The following EXT1 variants were observed in gnomAD, a reference collection of about 807,000 sequenced individuals.
EXT1 encodes exostosin glycosyltransferase 1.
EXT1 carries 20 observed loss-of-function variants against 82.5 expected under a neutral mutation model. That is an observed-to-expected ratio of 0.24 (90% CI 0.17 to 0.35). The LOEUF is 0.35. EXT1 is among the 10% of genes least tolerant of loss of function. The pLI is 1.00. For synonymous variants in EXT1, 348 were observed against 350.8 expected (o/e 0.99, Z 0.09); for missense variants, 757 against 936.5 (o/e 0.81, Z 2.50).
intron 4 of EXT1, among the ~76,000 whole-genome samples, 159 bp from the exon 5 acceptor site, chr8:117,822,756 A>G (rs1009342241): frequency 2.0e-5 from 3 of 152,220 alleles, no homozygotes; most frequent in Non-Finnish European, 4.4e-5. Flanking sequence ...CAAGACAGAG[A>G]GAGTAATGGA....
At chr8:117,830,199 T>C (rs1451018727) in intron 4 of EXT1, 31 bp downstream of exon 4, 1 of 1,613,396 alleles carries the variant, frequency 6.2e-7, no homozygotes, top group Non-Finnish European at 8.5e-7. Flanking sequence ...GGACCATTAT[T>C]CAAGCCCAAG....
chr8:117,928,537 T>C (rs964732588), intron 1 of EXT1, among the ~76,000 whole-genome samples: 13 of 152,228 alleles, frequency 8.5e-5, no homozygotes, highest in Admixed American at 2.6e-4. Context: ...AAGGAAAGAA[T>C]GCTGTTCTGA....
chr8:117,955,269 T>C (rs1814565509), intron 1 of EXT1, among the ~76,000 whole-genome samples: 1 of 151,692 alleles, frequency 6.6e-6, no homozygotes, highest in Admixed American at 6.6e-5. Context: ...TTTGAGGGGG[T>C]TTCATCACAT....
In EXT1 at chr8:118,063,916, G is replaced by A. The variant is rs144632583; in HGVS notation, c.962+46169C>T. Among the ~76,000 whole-genome samples, 1,328 of 152,262 alleles carry A rather than the reference G, an allele frequency of 8.7e-3. 14 individuals are homozygous for A. The highest frequency in any genetic ancestry group is 0.036 in the Admixed American group (544 of 15,306). On this transcript the variant is annotated intron_variant, in intron 1 of 10. Transcript: ENST00000378204. ...GAGTCTCGCTCTGTGGCCCAGGCTG[G>A]AATGCAGTGGTACAATCTCAGCTCA... is the stretch of plus-strand genomic sequence containing the variant.
At chr8:117,828,228 T>C (rs1812039882) in intron 4 of EXT1, among the ~76,000 whole-genome samples, 1 of 152,160 alleles carries the variant, frequency 6.6e-6, no homozygotes, top group South Asian at 2.1e-4. Context: ...TATTTTATAT[T>C]TTATGCTTTA....
chr8:118,065,257 CAT>C lies in EXT1; in HGVS notation c.962+44826_962+44827del, dbSNP rs536357132. 3.3e-5 allele frequency among the ~76,000 whole-genome samples: 5 copies of C among 152,154 alleles called. No individual in the cohort carries two copies. In the South Asian group the frequency reaches 1.0e-3, roughly 32 times the overall value. On this transcript the variant is annotated intron_variant, in intron 1 of 10. Transcript: ENST00000378204. ...TGACCCATGATGATAAGCTTTTTTT[CAT>C]ATGTTTGTTGGTCGCATAAATGTCT...
intron 10 of EXT1, among the ~76,000 whole-genome samples, chr8:117,802,531 T>C (rs999202322): frequency 7.9e-5 from 12 of 152,218 alleles, no homozygotes; most frequent in Non-Finnish European, 1.6e-4. Context: ...TACAGTGACA[T>C]GCTATATATG....
intron 1 of EXT1, among the ~76,000 whole-genome samples, chr8:118,050,831 T>C (rs1438751918): frequency 6.6e-6 from 1 of 152,148 alleles, no homozygotes; most frequent in Admixed American, 6.6e-5. Context: ...TGATTAATCT[T>C]GGAGGGAACT....
intron 1 of EXT1, among the ~76,000 whole-genome samples, chr8:117,967,183 G>T (rs1210781303): frequency 1.3e-5 from 2 of 152,184 alleles, no homozygotes; most frequent in Non-Finnish European, 2.9e-5. Flanking sequence ...ATGAAAAGAA[G>T]AATTATGAGA....
rs1813762282 is a variant in EXT1, at chr8:117,916,806, C to A, written c.963-79605G>T. ...CCTGTAATCCCAGCTACTCGGGAGA[C>A]TGAGGCACGAGAATCACTTGAATCC... On this transcript the variant is annotated intron_variant, in intron 1 of 10. Coordinates refer to ENST00000378204, the MANE Select transcript of EXT1 (RefSeq NM_000127.3). 2.0e-5 allele frequency among the ~76,000 whole-genome samples: 3 copies of A among 152,062 alleles called. No homozygotes were observed. In the South Asian group the frequency reaches 6.2e-4, roughly 32 times the overall value.
chr8:117,827,161 T>C (rs1042692547), intron 4 of EXT1, among the ~76,000 whole-genome samples: 1 of 152,220 alleles, frequency 6.6e-6, no homozygotes, highest in African/African-American at 2.4e-5. Flanking sequence ...TGTTTTTGGA[T>C]AATAATTTGG....
At chr8:117,964,203 C>A (rs1814759946) in intron 1 of EXT1, among the ~76,000 whole-genome samples, 3 of 152,202 alleles carry the variant, frequency 2.0e-5, no homozygotes, top group Admixed American at 1.3e-4. Flanking sequence ...GTCTAGACAA[C>A]CCTCCCAGCT....
chr8:117,960,935 A>T (rs1814686309), intron 1 of EXT1, among the ~76,000 whole-genome samples: 1 of 152,190 alleles, frequency 6.6e-6, no homozygotes, highest in Non-Finnish European at 1.5e-5. Flanking sequence ...GGTCTACACT[A>T]CACACTTATC....
intron 1 of EXT1, among the ~76,000 whole-genome samples, chr8:117,982,111 A>G (rs1239900210): frequency 6.6e-6 from 1 of 152,186 alleles, no homozygotes; most frequent in African/African-American, 2.4e-5. Context: ...GTAGGTCACA[A>G]GTCTGGGGAC....
intron 1 of EXT1, among the ~76,000 whole-genome samples, chr8:118,006,548 G>T (rs17453707): frequency 6.6e-6 from 1 of 152,212 alleles, no homozygotes; most frequent in East Asian, 1.9e-4. Context: ...GTCAAAAATC[G>T]TAACAATAAT....
At chr8:118,094,792 G>A (rs574375314) in intron 1 of EXT1, among the ~76,000 whole-genome samples, 21 of 152,300 alleles carry the variant, frequency 1.4e-4, no homozygotes, top group East Asian at 7.7e-4. Context: ...GTCAAGAGAC[G>A]TGTGTTCCAT....
At chr8:117,830,468 G>T in intron 3 of EXT1, 119 bp from the exon 4 acceptor site, 1 of 1,097,862 alleles carries the variant, frequency 9.1e-7, no homozygotes, top group South Asian at 1.5e-5. Flanking sequence ...CTAGCATATA[G>T]ATCTACTAAA....
intron 1 of EXT1, among the ~76,000 whole-genome samples, chr8:118,043,439 TTTC>T (rs1816567383): frequency 6.6e-6 from 1 of 152,164 alleles, no homozygotes; most frequent in Non-Finnish European, 1.5e-5. Context: ...TATCCAGAGT[TTTC>T]TCCACGAAGC....
chr8:118,098,004 G>T (rs1165291567), intron 1 of EXT1, among the ~76,000 whole-genome samples: 1 of 152,148 alleles, frequency 6.6e-6, no homozygotes, highest in Non-Finnish European at 1.5e-5. Flanking sequence ...GGAGGTGTGT[G>T]GGGAAAGCGG....
Sources: allele counts gnomAD v4.1 joint callset (sites outside exome capture counted in the v4.1 genomes callset), GRCh38; gene constraint gnomAD v4.1.1; transcripts MANE v1.5; gene names NCBI Gene and HGNC (gene_info 2026-07-23, HGNC 2026-07-21).